The following NCAPG2 variants were observed in gnomAD, a reference collection of about 807,000 sequenced individuals.
The protein encoded by NCAPG2 is non-SMC condensin II complex subunit G2, also known as condensin-2 complex subunit G2.
Under a neutral mutation model 141.1 loss-of-function variants are expected in NCAPG2, and 53 were observed. The ratio of observed to expected loss-of-function variants is 0.38; its 90% CI spans 0.30 to 0.47. The LOEUF is 0.47. NCAPG2 is among the 20% of genes least tolerant of loss of function. The pLI, the probability that NCAPG2 is intolerant of heterozygous loss-of-function variation, is 0.99. For missense variants in NCAPG2, 1,087 were observed against 1,389.0 expected (o/e 0.78, Z 3.46); for synonymous variants, 499 against 490.7 (o/e 1.02, Z -0.22).
In NCAPG2 at chr7:158,644,382, T is replaced by C. The variant is rs761647414; in HGVS notation, c.3287A>G (p.His1096Arg). 7 of 1,612,922 alleles carry C rather than the reference T, an allele frequency of 4.3e-6. No individual in the cohort carries two copies. The highest frequency in any genetic ancestry group is 5.9e-6 in the Non-Finnish European group (7 of 1,178,910). ...AACCTCCCTCACTTTTGAGCTTTTA[T>C]GTTTACCTGGGAAAATTATATTAAA... ...HIILVINAGK[H>R]KSSKVREVAA... is the part of the protein sequence containing the mutation. The change falls in exon 27 of 28, where the codon CAT becomes CGT. Residue 1096 changes from histidine (H) to arginine (R), a missense_variant. Physicochemically the swap from His to Arg is conservative, Grantham distance 29. Coordinates refer to ENST00000356309, the MANE Select transcript of NCAPG2 (RefSeq NM_017760.7).
intron 13 of NCAPG2, among the ~76,000 whole-genome samples, chr7:158,666,490 T>C (rs1021261539): frequency 6.6e-6 from 1 of 151,644 alleles, no homozygotes; most frequent in Admixed American, 6.6e-5. Flanking sequence ...ATATTAGTAT[T>C]CCCACTTTAA....
chr7:158,631,382 C>A lies in NCAPG2; in HGVS notation c.*284G>T. On this transcript the variant is annotated 3_prime_UTR_variant, in exon 28 of 28. Transcript: ENST00000356309. Reference sequence around the variant, plus strand: ...TATATAAAAGTCATTTTAAAAACAACCAGGTTTGCTAGAAAAGTGTTTTTT... The same window carrying A: ...TATATAAAAGTCATTTTAAAAACAAACAGGTTTGCTAGAAAAGTGTTTTTT... The A allele has an allele frequency of 2.5e-6, 1 of 398,986 alleles. No individual in the cohort carries two copies. The highest frequency in any genetic ancestry group is 4.4e-6 in the Non-Finnish European group (1 of 227,684). 24.7% of individuals were successfully genotyped at this position (398,986 alleles called of 1,614,324 possible).
intron 2 of NCAPG2, among the ~76,000 whole-genome samples, chr7:158,701,147 C>G (rs1835758751): frequency 6.6e-6 from 1 of 152,330 alleles, no homozygotes. Flanking sequence ...GACGCCTGGG[C>G]CCTTCCCCAC....
Position 158,680,805 on chromosome 7 carries a change from G to A in NCAPG2, c.936C>T (p.Tyr312=), listed in dbSNP as rs199620563. The A allele has an allele frequency of 1.9e-6, 3 of 1,602,898 alleles. No individual in the cohort carries two copies. Among genetic ancestry groups the A allele is most frequent in the Non-Finnish European group, 2.6e-6 (3 of 1,174,754 alleles). Residue 312 remains tyrosine (Y), a synonymous_variant, in exon 10 of 28, where the codon TAC becomes TAT. Coordinates refer to ENST00000356309, the MANE Select transcript of NCAPG2 (RefSeq NM_017760.7). ...GCCGAACTTTCTTTTGATGGTGAAA[G>A]TAACTCAGAACCTAAGGACCAAAAA... ...VHSKVREVLS[Y]FHHQKKVRQG... is the part of the protein sequence containing the mutation.
rs61763006 is a variant in NCAPG2 at position 158,693,326 on chromosome 7, C to T, written c.250G>A (p.Glu84Lys). 7.3e-3 allele frequency: 11,778 copies of T among 1,607,942 alleles called. 59 individuals carry two copies. Among genetic ancestry groups the T allele is most frequent in the Non-Finnish European group, 9.2e-3 (10,833 of 1,178,766 alleles). ...AATACTACCATTTTTGAGCCATGTTCGGTTTCCATATTGTCTTCACCCTGG... is the reference window on the plus strand; with the variant it reads ...AATACTACCATTTTTGAGCCATGTTTGGTTTCCATATTGTCTTCACCCTGG... ...EAQGEDNMET[E>K]HGSKMRKSIE... The change falls in exon 3 of 28, where the codon GAA (glutamate) becomes AAA (lysine). Residue 84 changes from glutamate (E) to lysine (K), a missense_variant. Transcript: ENST00000356309.
At chr7:158,699,065 T>G (rs749279929) in intron 2 of NCAPG2, among the ~76,000 whole-genome samples, 1 of 152,094 alleles carries the variant, frequency 6.6e-6, no homozygotes, top group Non-Finnish European at 1.5e-5. Context: ...ATTACAGAGG[T>G]GAGTCACTGT....
intron 27 of NCAPG2, among the ~76,000 whole-genome samples, chr7:158,641,786 A>T (rs1284501411): frequency 1.3e-5 from 2 of 152,206 alleles, no homozygotes; most frequent in East Asian, 3.8e-4. Flanking sequence ...AGAACTGCAA[A>T]AAGTAATAGA....
At chr7:158,656,480 G>A in intron 18 of NCAPG2, 47 bp from the exon 19 acceptor site, 1 of 1,610,122 alleles carries the variant, frequency 6.2e-7, no homozygotes, top group Non-Finnish European at 8.5e-7. Flanking sequence ...CACGTCCCTA[G>A]AAAAGCATGT....
At chr7:158,675,450 T>C (rs1027296576) in intron 12 of NCAPG2, 27 bp downstream of exon 12, 2 of 1,530,756 alleles carry the variant, frequency 1.3e-6, no homozygotes, top group South Asian at 1.2e-5. Context: ...CAAATAAACA[T>C]TACTTACATA....
chr7:158,645,987 T>A (rs1293476381), intron 25 of NCAPG2, among the ~76,000 whole-genome samples: 1 of 152,328 alleles, frequency 6.6e-6, no homozygotes, highest in South Asian at 2.1e-4. Context: ...GTACCAGACA[T>A]CTGCAAAGCA....
chr7:158,641,866 A>T (rs1260613937), intron 27 of NCAPG2, among the ~76,000 whole-genome samples: 1 of 152,222 alleles, frequency 6.6e-6, no homozygotes, highest in Non-Finnish European at 1.5e-5. Context: ...ATTAGGAAGG[A>T]CATAGTTCAA....
rs189065330 is a variant in NCAPG2 at position 158,690,463 on chromosome 7, C to T, written c.537+105G>A. On this transcript the variant is annotated intron_variant, in intron 5 of 27. Coordinates refer to ENST00000356309, the MANE Select transcript of NCAPG2 (RefSeq NM_017760.7). ...GAGAGGCTGAGGCAGGAGGATTGCT[C>T]GAGCCCAGGAGTTTGAGGCTGCAGT... The T allele has an allele frequency of 3.6e-4, 407 of 1,141,068 alleles. 6 individuals carry two copies. In the South Asian group the frequency reaches 5.8e-3, roughly 16 times the overall value. The allele number at this position is 1,141,068 out of a possible 1,614,324, so 70.7% of individuals were successfully genotyped here.
chr7:158,667,660 G>A (rs1394497760), intron 13 of NCAPG2, among the ~76,000 whole-genome samples: 1 of 13,326 alleles, frequency 7.5e-5, no homozygotes, highest in Admixed American at 1.3e-3. Flanking sequence ...GGGTCCCTCC[G>A]CCTTCCTTAC....
intron 12 of NCAPG2, 121 bp downstream of exon 12, chr7:158,675,356 G>T: frequency 9.1e-7 from 1 of 1,094,976 alleles, no homozygotes; most frequent in Non-Finnish European, 1.2e-6. Flanking sequence ...ATATATGACA[G>T]GTCAAAAATG....
rs1395418926 is a variant in NCAPG2, at chr7:158,648,525, CGCCAAATGG to C, written c.3076-1971_3076-1963del. Among the ~76,000 whole-genome samples, 27 of 147,004 alleles carry C rather than the reference CGCCAAATGG, an allele frequency of 1.8e-4. 5 individuals carry two copies. Among genetic ancestry groups the C allele is most frequent in the South Asian group, 4.3e-4 (2 of 4,652 alleles). On this transcript the variant is annotated intron_variant, in intron 24 of 27. Transcript: ENST00000356309. ...AAAAAAAAAGAATGGACTATAACCACGCCAAATGGACGACAACCACGGCAAATGGACGAC... is the reference window on the plus strand; with the variant it reads ...AAAAAAAAAGAATGGACTATAACCACACGACAACCACGGCAAATGGACGAC...
rs1363641835 is a variant in NCAPG2 at position 158,660,425 on chromosome 7, TTTTTA to T, written c.1989+1764_1989+1768del. Among the ~76,000 whole-genome samples, 305 of 95,406 alleles carry T rather than the reference TTTTTA, an allele frequency of 3.2e-3. 11 individuals are homozygous for T. The highest frequency in any genetic ancestry group is 0.012 in the Admixed American group (113 of 9,134). 62.6% of individuals were successfully genotyped at this position (95,406 alleles called of 152,430 possible). A position where few individuals can be genotyped will look rare whatever the true frequency, so the allele number is the denominator to read the frequency against. The stretch of plus-strand genomic sequence containing the variant: ...TCTTTTTTTTTTTTTTTTTTTTTTT[TTTTTA>T]AAAGAGGCAGGGTCTCACTCTGTTG... On this transcript the variant is annotated intron_variant, in intron 16 of 27. Transcript: ENST00000356309.
At chr7:158,637,391 G>A (rs62478285) in intron 27 of NCAPG2, among the ~76,000 whole-genome samples, 64,614 of 151,230 alleles carry the variant, frequency 0.43, 14,286 homozygotes, top group South Asian at 0.71. Flanking sequence ...TCCCATCACC[G>A]TGGGGTGCTG....
intron 16 of NCAPG2, among the ~76,000 whole-genome samples, chr7:158,659,358 AAAGT>A (rs942990568): frequency 1.3e-5 from 2 of 151,916 alleles, no homozygotes; most frequent in African/African-American, 4.8e-5. Context: ...AAGAAAAAAA[AAAGT>A]AAGCTTTGAG....
At chr7:158,686,437 G>A (rs1285477599) in intron 7 of NCAPG2, among the ~76,000 whole-genome samples, 196 bp from the exon 8 acceptor site, 3 of 152,200 alleles carry the variant, frequency 2.0e-5, no homozygotes, top group African/African-American at 7.2e-5. Flanking sequence ...AAAGGAAACT[G>A]AAGTGACGAA....
Sources: gnomAD v4.1 joint callset for allele counts (sites outside exome capture counted in the v4.1 genomes callset) on GRCh38, gnomAD v4.1.1 for gene constraint, MANE v1.5 for transcripts, NCBI Gene and HGNC (gene_info 2026-07-23, HGNC 2026-07-21) for gene names.